The following MUC5B variants were observed in gnomAD, a reference collection of about 807,000 sequenced individuals.
The protein encoded by MUC5B is mucin 5B, oligomeric mucus/gel-forming, also known as mucin-5B.
Under a neutral mutation model 376.9 loss-of-function variants are expected in MUC5B, and 116 were observed. That is an observed-to-expected ratio of 0.31 (90% CI 0.26 to 0.36). MUC5B has a LOEUF of 0.36. Ranked by LOEUF, MUC5B falls within the 10% of genes least tolerant of loss-of-function variation. MUC5B has a pLI of 1.00. For synonymous variants in MUC5B, 3,517 were observed against 3,390.9 expected (o/e 1.04, Z -1.29); for missense variants, 7,165 against 7,769.9 (o/e 0.92, Z 2.93).
Position 1,246,113 on chromosome 11 carries a change from G to C in MUC5B, c.9233G>C (p.Gly3078Ala). 6.2e-7 allele frequency: 1 copy of C among 1,612,312 alleles called. No homozygotes were observed. Among genetic ancestry groups the C allele is most frequent in the South Asian group, 1.1e-5 (1 of 90,968 alleles). ...PIPSFTLGTT[G>A]TLPEQTTTPM... ...CCCTCCTTCACCCTTGGGACCACCG[G>C]GACCCTCCCAGAACAGACCACCACA... The change falls in exon 31 of 49, where the codon GGG becomes GCG. Residue 3078 changes from glycine (G) to alanine (A), a missense_variant. Transcript: ENST00000529681.
chr11:1,252,594 C>T, intron 32 of MUC5B, 70 bp downstream of exon 32: 3 of 1,428,952 alleles, frequency 2.1e-6, no homozygotes, highest in Non-Finnish European at 2.8e-6. Flanking sequence ...GGCACAGCCA[C>T]AGTCCAGCTC....
chr11:1,254,798 C>A lies in MUC5B; in HGVS notation c.15582C>A (p.Gly5194=). Residue 5194 remains glycine (G), a synonymous_variant, in exon 35 of 49, where the codon GGC becomes GGA. Coordinates refer to ENST00000529681, the MANE Select transcript of MUC5B (RefSeq NM_002458.3). ...TGCGTGTGGACATTCCTGCCCTGGG[C>A]GTGAGCGTCACCTTCAATGGCCAAG... ...TTMRVDIPAL[G]VSVTFNGQVF... is the part of the protein sequence containing the mutation. 1.9e-6 allele frequency: 3 copies of A among 1,612,758 alleles called. No homozygotes were observed. The highest frequency in any genetic ancestry group is 2.5e-6 in the Non-Finnish European group (3 of 1,179,794).
Position 1,244,150 on chromosome 11 carries a change from G to T in MUC5B, c.7270G>T (p.Ala2424Ser), listed in dbSNP as rs375937313. The T allele has an allele frequency of 1.0e-3, 1,606 of 1,613,246 alleles. 11 individuals carry two copies. In the African/African-American group the frequency reaches 0.019, roughly 19 times the overall value. The change falls in exon 31 of 49, where the codon GCC (alanine) becomes TCC (serine). Residue 2424 changes from alanine to serine, a missense_variant. Physicochemically the swap from Ala to Ser is moderately conservative, Grantham distance 99. Coordinates refer to ENST00000529681, the MANE Select transcript of MUC5B (RefSeq NM_002458.3). ...CAGCACCCCGGCCACCAGCTCTACG[G>T]CCATGCCCTCCTCCACTCCGGGGAC... ...CPSTPATSST[A>S]MPSSTPGTTW...
rs1160086769 is a variant in MUC5B, at chr11:1,253,031, T to C, written c.15217+51T>C. 2 of 1,534,330 alleles carry C rather than the reference T, an allele frequency of 1.3e-6. No individual in the cohort carries two copies. The highest frequency in any genetic ancestry group is 2.8e-5 in the African/African-American group (2 of 70,644). On this transcript the variant is annotated intron_variant, in intron 33 of 48. Coordinates refer to ENST00000529681, the MANE Select transcript of MUC5B (RefSeq NM_002458.3). This position sits in a 1 kb window ranked among gnomAD's most constrained non-coding sequence, Gnocchi z 4.3. ...TACCCCGGGGGCAGGTGGAGCAGAGTGCACCGTCGGCTAGGCTGGCAGAAT... is the reference window on the plus strand; with the variant it reads ...TACCCCGGGGGCAGGTGGAGCAGAGCGCACCGTCGGCTAGGCTGGCAGAAT...
In MUC5B at chr11:1,239,795, C is replaced by T. The variant is rs756969360; in HGVS notation, c.3584-4C>T. On this transcript the variant is annotated splice_region_variant and splice_polypyrimidine_tract_variant and intron_variant, in intron 27 of 48. Coordinates refer to ENST00000529681, the MANE Select transcript of MUC5B (RefSeq NM_002458.3). ...GAGTCTTCTGCTCACCCTGCCGGCC[C>T]TAGGCTGCTACCCGAAGTGCCCACC... The T allele has an allele frequency of 1.9e-6, 3 of 1,608,942 alleles. No homozygotes were observed. Among genetic ancestry groups the T allele is most frequent in the Non-Finnish European group, 1.7e-6 (2 of 1,178,154 alleles).
At chr11:1,233,325 C>A in intron 18 of MUC5B, 57 bp downstream of exon 18, 1 of 1,455,570 alleles carries the variant, frequency 6.9e-7, no homozygotes, top group Non-Finnish European at 9.0e-7. Flanking sequence ...CACTTCCCGC[C>A]CTCCCCGAAG....
In MUC5B at chr11:1,247,089, C is replaced by T; in HGVS notation, c.10209C>T (p.Thr3403=). 1 of 1,562,948 alleles carries T rather than the reference C, an allele frequency of 6.4e-7. No individual in the cohort carries two copies. ...CTACGATCACAGCCACCGGCTCCAC[C>T]ACCAACCCCTCCTCAACTCCAGGGA... ...TATTITATGS[T]TNPSSTPGTT... The change falls in exon 31 of 49, where the codon ACC becomes ACT. Residue 3403 remains threonine (T), a synonymous_variant. Coordinates refer to ENST00000529681, the MANE Select transcript of MUC5B (RefSeq NM_002458.3).
intron 3 of MUC5B, 108 bp from the exon 4 acceptor site, chr11:1,226,507 A>T (rs1385898100): frequency 2.8e-6 from 4 of 1,439,090 alleles, no homozygotes; most frequent in Non-Finnish European, 3.7e-6. Context: ...CACAGCCAGC[A>T]GCCGACCATG....
At position 1,231,538 on chromosome 11, in the gene MUC5B, C is replaced by T. The variant is rs1405149233; in HGVS notation, c.1656C>T (p.Pro552=). The change falls in exon 14 of 49, where the codon CCC becomes CCT. Residue 552 remains proline, a synonymous_variant. Coordinates refer to ENST00000529681, the MANE Select transcript of MUC5B (RefSeq NM_002458.3). ...TGCAGGTGTTTGTCAGGCTGGACCCCGCCCACCAGGGCCAGATGTGCGGTG... is the reference window on the plus strand; with the variant it reads ...TGCAGGTGTTTGTCAGGCTGGACCCTGCCCACCAGGGCCAGATGTGCGGTG... ...PLMQVFVRLD[P]AHQGQMCGLC... 25 of 1,585,474 alleles carry T rather than the reference C, an allele frequency of 1.6e-5. No homozygotes were observed. The highest frequency in any genetic ancestry group is 1.7e-4 in the Middle Eastern group (1 of 6,056).
intron 14 of MUC5B, 140 bp downstream of exon 14, chr11:1,231,700 T>G: frequency 8.6e-7 from 1 of 1,160,636 alleles, no homozygotes; most frequent in Non-Finnish European, 1.2e-6. Context: ...GAGATCCTGG[T>G]GCCAGCGCAG....
Position 1,241,777 on chromosome 11 carries a change from C to G in MUC5B, c.4897C>G (p.Pro1633Ala). The G allele has an allele frequency of 1.2e-6, 2 of 1,612,346 alleles. No homozygotes were observed. The highest frequency in any genetic ancestry group is 1.7e-6 in the Non-Finnish European group (2 of 1,179,298). Reference sequence around the variant, plus strand: ...CCAGGCCCTGTTCTCAACGCCGCAGCCTACGAGTAGCCCGGGGCTGACCAG... The same window carrying G: ...CCAGGCCCTGTTCTCAACGCCGCAGGCTACGAGTAGCCCGGGGCTGACCAG... ...TTQALFSTPQ[P>A]TSSPGLTRAP... The change falls in exon 31 of 49, where the codon CCT (proline) becomes GCT (alanine). Residue 1633 changes from proline to alanine, a missense_variant. Transcript: ENST00000529681.
intron 8 of MUC5B, 81 bp downstream of exon 8, chr11:1,228,846 G>T: frequency 8.1e-7 from 1 of 1,238,784 alleles, no homozygotes; most frequent in Non-Finnish European, 1.1e-6. Context: ...ACTGGGGGTG[G>T]GGAGGCCTGG....
rs1199201563 is a variant in MUC5B at position 1,250,750 on chromosome 11, A to G, written c.13870A>G (p.Thr4624Ala). 5 of 1,601,716 alleles carry G rather than the reference A, an allele frequency of 3.1e-6. No individual in the cohort carries two copies. Among genetic ancestry groups the G allele is most frequent in the Non-Finnish European group, 4.3e-6 (5 of 1,171,478 alleles). Reference protein sequence around the residue: ...TPPVWISTTTTPTTTTPTTSG... With the variant: ...TPPVWISTTTAPTTTTPTTSG... ...TCCAGTGTGGATCAGCACAACCACC[A>G]CACCCACAACCACCACACCCACAAC... is the stretch of plus-strand genomic sequence containing the variant. The change falls in exon 31 of 49, where the codon ACA (threonine) becomes GCA (alanine). Residue 4624 changes from threonine to alanine, a missense_variant. Thr to Ala is a moderately conservative substitution (Grantham distance 58, BLOSUM62 0). Transcript: ENST00000529681.
intron 26 of MUC5B, 78 bp downstream of exon 26, chr11:1,239,105 G>T: frequency 1.3e-6 from 2 of 1,506,556 alleles, no homozygotes; most frequent in Non-Finnish European, 1.8e-6. Context: ...CTCCGAAGGT[G>T]CATTGACCTG....
At chr11:1,230,264 G>T in intron 11 of MUC5B, 121 bp downstream of exon 11, 1 of 1,364,372 alleles carries the variant, frequency 7.3e-7, no homozygotes, top group East Asian at 2.3e-5. Context: ...TGAGGGGGGA[G>T]CCCTGGGTCC....
At chr11:1,260,475 T>A (rs985158566) in intron 47 of MUC5B, 82 bp downstream of exon 47, 1 of 1,542,300 alleles carries the variant, frequency 6.5e-7, no homozygotes, top group Non-Finnish European at 8.9e-7. Context: ...ACATCTGCAC[T>A]AGGCAGCAGT....
Position 1,247,945 on chromosome 11 carries a change from A to T in MUC5B, c.11065A>T (p.Thr3689Ser), listed in dbSNP as rs1308689357. Residue 3689 changes from threonine to serine, a missense_variant, in exon 31 of 49, where the codon ACG (threonine) becomes TCG (serine). Transcript: ENST00000529681. The stretch of plus-strand genomic sequence containing the variant: ...GGCCACGCCCTCCTCAACTCCGGGG[A>T]CGACCTGGATCCTCACAAAGCTGAC... ...STATPSSTPG[T>S]TWILTKLTTT... The T allele has an allele frequency of 6.2e-7, 1 of 1,611,344 alleles. No homozygotes were observed. The highest frequency in any genetic ancestry group is 1.3e-5 in the African/African-American group (1 of 74,830).
intron 6 of MUC5B, 37 bp downstream of exon 6, chr11:1,227,435 A>C: frequency 5.4e-6 from 8 of 1,489,102 alleles, no homozygotes; most frequent in Non-Finnish European, 7.4e-6. Context: ...GTGACCAATT[A>C]TGTCGGCCAA....
intron 30 of MUC5B, among the ~76,000 whole-genome samples, chr11:1,240,648 C>A (rs1186619365): frequency 6.6e-6 from 1 of 152,232 alleles, no homozygotes; most frequent in African/African-American, 2.4e-5. Context: ...TCCCAGCCAG[C>A]CAGCTCCCTC....
Sources: allele counts gnomAD v4.1 joint callset (sites outside exome capture counted in the v4.1 genomes callset), GRCh38; gene constraint gnomAD v4.1.1; non-coding constraint Gnocchi (gnomAD v3.1); transcripts MANE v1.5; gene names NCBI Gene and HGNC (gene_info 2026-07-23, HGNC 2026-07-21).